Variants in DOP1A observed in about 807,000 individuals in gnomAD.
The protein encoded by DOP1A is protein DOP1A.
Under a neutral mutation model 267.6 loss-of-function variants are expected in DOP1A, and 90 were observed. That is an observed-to-expected ratio of 0.34 (90% CI 0.28 to 0.40). The LOEUF is 0.40. DOP1A is among the 10% of genes least tolerant of loss of function. The pLI is 1.00. For synonymous variants in DOP1A, 932 were observed against 999.1 expected, an observed-to-expected ratio of 0.93 and a Z score of 1.27; for missense variants, 2,437 against 2,900.4, an observed-to-expected ratio of 0.84 and a Z score of 3.67.
intron 36 of DOP1A, among the ~76,000 whole-genome samples, chr6:83,159,273 G>A (rs1783622787): frequency 6.6e-6 from 1 of 151,972 alleles, no homozygotes; most frequent in Admixed American, 6.6e-5. Flanking sequence ...CATAATATAA[G>A]TTATGTACTA....
chr6:83,123,129 C>A, intron 12 of DOP1A, 147 bp downstream of exon 12: 3 of 893,060 alleles, frequency 3.4e-6, no homozygotes, highest in African/African-American at 1.8e-5. Context: ...CTGACTCTAC[C>A]TTGTCACATA....
intron 7 of DOP1A, among the ~76,000 whole-genome samples, chr6:83,116,668 C>T (rs956251741): frequency 2.6e-5 from 4 of 151,934 alleles, no homozygotes; most frequent in African/African-American, 9.7e-5. Flanking sequence ...AAAATTAGCT[C>T]GGCATGGTGG....
chr6:83,110,147 G>T lies in DOP1A; in HGVS notation c.514G>T (p.Val172Phe), dbSNP rs1306985948. ...YERTNMLLEK[V>F]AAAVDQSAFY... ...CAGAACAAATATGTTGTTGGAAAAG[G>T]TTGCTGCTGCTGTGGACCAGTCAGC... The change falls in exon 6 of 39, where the codon GTT (valine) becomes TTT (phenylalanine). Residue 172 changes from valine (V) to phenylalanine (F), a missense_variant. Val to Phe is a conservative substitution (Grantham distance 50). Around this residue, in one of 9 missense-constraint regions of DOP1A, gnomAD observed 251 missense variants for 359.1 expected, o/e 0.70. Transcript: ENST00000349129. 6.2e-7 allele frequency: 1 copy of T among 1,602,828 alleles called. No homozygotes were observed. Among genetic ancestry groups the T allele is most frequent in the Non-Finnish European group, 8.5e-7 (1 of 1,175,774 alleles).
intron 4 of DOP1A, among the ~76,000 whole-genome samples, chr6:83,102,355 A>G (rs1193146559): frequency 2.0e-5 from 3 of 152,186 alleles, no homozygotes; most frequent in African/African-American, 7.2e-5. Context: ...GGCAGGGTCA[A>G]ACTAGCTCTG....
chr6:83,167,147 AG>A, intron 38 of DOP1A: 1 of 926,212 alleles, frequency 1.1e-6, no homozygotes, highest in Non-Finnish European at 1.3e-6. Context: ...CTCTACTAAA[AG>A]GTAGTTTTAG....
Position 83,155,936 on chromosome 6 carries a change from C to CAA in DOP1A, c.6452-14_6452-13insAA. On this transcript the variant is annotated splice_polypyrimidine_tract_variant and intron_variant, in intron 33 of 38. Coordinates refer to ENST00000349129, the MANE Select transcript of DOP1A (RefSeq NM_015018.4). ...CAGATGACAGTGTCACAGTCTCTTT[C>CAA]ACTTGCTTTTTCAGCTCGTGTAGCA... 6.2e-7 allele frequency: 1 copy of CAA among 1,603,606 alleles called. No homozygotes were observed. The highest frequency in any genetic ancestry group is 8.5e-7 in the Non-Finnish European group (1 of 1,177,160).
In DOP1A at chr6:83,129,544, T is replaced by C. The variant is rs373355097; in HGVS notation, c.2341+36T>C. ...CTCAGTTTTGCTTATATTTCAGTAT[T>C]GTCTGTAGTATGTTTTTTCTTTTTA... On this transcript the variant is annotated intron_variant, in intron 16 of 38. Transcript: ENST00000349129. 8.3e-6 allele frequency: 12 copies of C among 1,444,116 alleles called. No homozygotes were observed. The African/African-American group carries it at 1.7e-4, about 21-fold the overall frequency. 89.5% of individuals were successfully genotyped at this position (1,444,116 alleles called of 1,614,324 possible).
At chr6:83,140,593 G>A (rs1396584810) in intron 23 of DOP1A, among the ~76,000 whole-genome samples, 190 bp downstream of exon 23, 3 of 152,112 alleles carry the variant, frequency 2.0e-5, no homozygotes. Flanking sequence ...ATACAATTCA[G>A]TAATTTTTTT....
intron 3 of DOP1A, among the ~76,000 whole-genome samples, chr6:83,099,837 A>C (rs892650290): frequency 6.6e-6 from 1 of 152,072 alleles, no homozygotes; most frequent in Non-Finnish European, 1.5e-5. Flanking sequence ...GCAAAAAAAC[A>C]CAATTACTTT....
intron 4 of DOP1A, among the ~76,000 whole-genome samples, chr6:83,103,735 CTT>C (rs984767171): frequency 6.6e-6 from 1 of 152,132 alleles, no homozygotes; most frequent in African/African-American, 2.4e-5. Flanking sequence ...AACGACTTAA[CTT>C]TTCTTTTAAA....
chr6:83,096,466 A>G (rs1771531576), intron 1 of DOP1A, among the ~76,000 whole-genome samples: 1 of 149,348 alleles, frequency 6.7e-6, no homozygotes, highest in African/African-American at 2.5e-5. Flanking sequence ...GGGCCTTCAT[A>G]CTAGATGCCC....
rs527938710 is a variant in DOP1A at position 83,100,631 on chromosome 6, C to T, written c.139-74C>T. ...CCTACAATGATCATTTTTTATAATA[C>T]TATGCTAGAAAATGGAAGTAAAATG... is the stretch of plus-strand genomic sequence containing the variant. On this transcript the variant is annotated intron_variant, in intron 3 of 38. Transcript: ENST00000349129. 56 of 1,061,596 alleles carry T rather than the reference C, an allele frequency of 5.3e-5. No individual in the cohort carries two copies. The South Asian group carries it at 1.5e-3, about 29-fold the overall frequency. The allele number at this position is 1,061,596 out of a possible 1,614,324, so 65.8% of individuals were successfully genotyped here. A position where few individuals can be genotyped will look rare whatever the true frequency, so the allele number is the denominator to read the frequency against.
At chr6:83,114,280 A>G (rs1365430896) in intron 7 of DOP1A, among the ~76,000 whole-genome samples, 1 of 152,146 alleles carries the variant, frequency 6.6e-6, no homozygotes, top group Non-Finnish European at 1.5e-5. Context: ...GACTAATTGG[A>G]ACATAAACCA....
In DOP1A at chr6:83,138,533, C is replaced by T; in HGVS notation, c.4491C>T (p.Phe1497=). 1.2e-6 allele frequency: 2 copies of T among 1,613,834 alleles called. No homozygotes were observed. The highest frequency in any genetic ancestry group is 2.2e-5 in the South Asian group (2 of 91,078). ...MMSIEILTLL[F]TELAKVIESS... is the part of the protein sequence containing the mutation. ...GCATAGAAATTCTGACACTACTCTT[C>T]ACTGAGCTGGCAAAAGTAATAGAAA... The change falls in exon 21 of 39, where the codon TTC becomes TTT. Residue 1497 remains phenylalanine, a synonymous_variant. Coordinates refer to ENST00000349129, the MANE Select transcript of DOP1A (RefSeq NM_015018.4).
chr6:83,159,265 T>C (rs1443067107), intron 36 of DOP1A, among the ~76,000 whole-genome samples: 3 of 152,288 alleles, frequency 2.0e-5, no homozygotes, highest in Non-Finnish European at 4.4e-5. Context: ...TTCTTGAACA[T>C]AATATAAGTT....
rs899455501 is a variant in DOP1A, at chr6:83,140,205, C to T, written c.5233-16C>T. The T allele has an allele frequency of 6.2e-7, 1 of 1,606,302 alleles. No individual in the cohort carries two copies. The highest frequency in any genetic ancestry group is 1.7e-5 in the Admixed American group (1 of 59,308). On this transcript the variant is annotated splice_polypyrimidine_tract_variant and intron_variant, in intron 22 of 38. Coordinates refer to ENST00000349129, the MANE Select transcript of DOP1A (RefSeq NM_015018.4). ...CTCAGTAAGTAATATGTTTCTTTTC[C>T]CCCAACTGTTAATAGCTTTTGGTCA...
At chr6:83,123,013 G>A (rs369659178) in intron 12 of DOP1A, 31 bp downstream of exon 12, 95 of 1,567,530 alleles carry the variant, frequency 6.1e-5, no homozygotes, top group Non-Finnish European at 7.0e-5. Context: ...TTTTAATTTC[G>A]TAACATCTAA....
At chr6:83,109,993 C>A in intron 5 of DOP1A, 132 bp from the exon 6 acceptor site, 1 of 905,770 alleles carries the variant, frequency 1.1e-6, no homozygotes, top group Non-Finnish European at 1.6e-6. Context: ...TTCAGTCTAT[C>A]ACACTTGTTT....
At chr6:83,164,639 T>C (rs1304189557) in intron 38 of DOP1A, 1 of 1,559,114 alleles carries the variant, frequency 6.4e-7, no homozygotes, top group Non-Finnish European at 8.7e-7. Flanking sequence ...AGGCTGTGAG[T>C]TCTCCTCTTT....
Sources: gnomAD v4.1 joint callset for allele counts (sites outside exome capture counted in the v4.1 genomes callset) on GRCh38, gnomAD v4.1.1 for gene constraint, gnomAD v4.1.1 regional missense constraint, MANE v1.5 for transcripts, NCBI Gene and HGNC (gene_info 2026-07-23, HGNC 2026-07-21) for gene names.